The following ZNF69 variants were observed in gnomAD, a reference collection of about 807,000 sequenced individuals.
ZNF69 encodes ZNF3.
A neutral mutation model predicts 50.9 loss-of-function variants in ZNF69; 47 were observed. The ratio of observed to expected loss-of-function variants is 0.92; its 90% confidence interval spans 0.73 to 1.18. The LOEUF (loss-of-function observed/expected upper bound fraction) is 1.18, where lower values mean the gene tolerates loss of function less well. ZNF69 is among the 50% of genes most tolerant of loss of function. The pLI is 0.00. For missense variants in ZNF69, 717 were observed against 675.1 expected (o/e 1.06, Z -0.69); for synonymous variants, 216 against 223.1 (o/e 0.97, Z 0.29).
chr19:11,900,246 C>A (rs1014610944), intron 1 of ZNF69, among the ~76,000 whole-genome samples: 1 of 151,784 alleles, frequency 6.6e-6, no homozygotes, highest in African/African-American at 2.4e-5. Context: ...AGCCACTGCA[C>A]CCGGCCTGTT....
chr19:11,927,944 C>T, the ZNF69 span, among the ~76,000 whole-genome samples: 2 of 151,936 alleles, frequency 1.3e-5, no homozygotes, highest in Non-Finnish European at 2.9e-5. Flanking sequence ...AGGCAAAAGG[C>T]AAATAAATGT....
the ZNF69 span, among the ~76,000 whole-genome samples, chr19:11,945,169 T>G: frequency 6.6e-6 from 1 of 152,206 alleles, no homozygotes; most frequent in Non-Finnish European, 1.5e-5. Context: ...AAGTTTTTCC[T>G]TTAACTCATG....
chr19:11,978,443 T>C, the ZNF69 span: 1 of 1,614,084 alleles, frequency 6.2e-7, no homozygotes, highest in Non-Finnish European at 8.5e-7. Flanking sequence ...AACCCTATGC[T>C]TGTAAAGAAT....
the ZNF69 span, among the ~76,000 whole-genome samples, chr19:11,962,102 C>A: frequency 3.3e-5 from 5 of 152,160 alleles, no homozygotes; most frequent in African/African-American, 1.2e-4. Flanking sequence ...GCGTAAGAAA[C>A]TGTGCTCGGC....
the ZNF69 span, among the ~76,000 whole-genome samples, chr19:11,962,730 G>T: frequency 1.3e-5 from 2 of 152,094 alleles, no homozygotes; most frequent in African/African-American, 4.8e-5. Flanking sequence ...GCAGTTAACC[G>T]GAACTATCAT....
At chr19:11,918,635 G>T (rs150902136), downstream of ZNF69, among the ~76,000 whole-genome samples, 1 of 151,760 alleles carries the variant, frequency 6.6e-6, no homozygotes, top group Non-Finnish European at 1.5e-5. Context: ...AAAATTTTTT[G>T]TAGAGACAAG....
chr19:11,978,193 A>G, the ZNF69 span: 1 of 1,613,812 alleles, frequency 6.2e-7, no homozygotes. Flanking sequence ...GTTCCAGATG[A>G]CAGGCTGAAC....
the ZNF69 span, among the ~76,000 whole-genome samples, chr19:11,932,440 T>C: frequency 6.5e-3 from 971 of 148,584 alleles, 166 homozygotes; most frequent in African/African-American, 0.025. Context: ...GTATAGAGTG[T>C]GCATTCTAGA....
chr19:11,968,410 T>TC, the ZNF69 span, among the ~76,000 whole-genome samples: 1 of 152,130 alleles, frequency 6.6e-6, no homozygotes, highest in East Asian at 1.9e-4. Flanking sequence ...ACCTGGCTAA[T>TC]TTTTTGTATT....
At chr19:11,916,579 CA>C (rs913678576), downstream of ZNF69, among the ~76,000 whole-genome samples, 1 of 152,172 alleles carries the variant, frequency 6.6e-6, no homozygotes, top group African/African-American at 2.4e-5. Context: ...CATGCTACTG[CA>C]CTCCAGCCTG....
chr19:11,895,917 A>C (rs1977214013), intron 1 of ZNF69, among the ~76,000 whole-genome samples: 1 of 152,254 alleles, frequency 6.6e-6, no homozygotes, highest in Non-Finnish European at 1.5e-5. Context: ...ATAGTTTCAC[A>C]TTACCTTAAA....
downstream of ZNF69, among the ~76,000 whole-genome samples, chr19:11,918,353 T>G (rs996462779): frequency 2.0e-5 from 3 of 152,226 alleles, no homozygotes; most frequent in Admixed American, 6.5e-5. Context: ...AGAATCTCTG[T>G]GTGATTATTT....
chr19:11,891,314 G>A (rs1309957198), intron 1 of ZNF69, among the ~76,000 whole-genome samples: 3 of 150,840 alleles, frequency 2.0e-5, no homozygotes, highest in Admixed American at 6.6e-5. Flanking sequence ...GTAGTTCCAC[G>A]TACTCGGGAG....
chr19:11,905,829 T>G lies in ZNF69; in HGVS notation c.1432T>G (p.Tyr478Asp). 6.2e-7 allele frequency: 1 copy of G among 1,613,792 alleles called. No homozygotes were observed. Among genetic ancestry groups the G allele is most frequent in the South Asian group, 1.1e-5 (1 of 91,062 alleles). Residue 478 changes from tyrosine to aspartate, a missense_variant, in exon 4 of 4, where the codon TAT (tyrosine) becomes GAT (aspartate). Coordinates refer to ENST00000429654, the MANE Select transcript of ZNF69 (RefSeq NM_001364730.1). ...AAGAATACACTCTGGAGAAAGACCT[T>G]ATAAATGTAAGCTATGTGGGAAAGG... ...HVRIHSGERPYKCKLCGKGFY... is the reference protein window; with the variant it reads ...HVRIHSGERPDKCKLCGKGFY...
At chr19:11,894,422 G>A (rs892511038) in intron 1 of ZNF69, among the ~76,000 whole-genome samples, 1 of 152,186 alleles carries the variant, frequency 6.6e-6, no homozygotes, top group Non-Finnish European at 1.5e-5. Flanking sequence ...TTACAGGCAT[G>A]AGATACCCCA....
chr19:11,949,504 A>C, the ZNF69 span: 5 of 1,612,280 alleles, frequency 3.1e-6, no homozygotes, highest in Non-Finnish European at 4.2e-6. Context: ...AATTCATGAA[A>C]GGACAGAAAA....
the ZNF69 span, among the ~76,000 whole-genome samples, chr19:11,945,958 A>G: frequency 4.6e-5 from 7 of 152,098 alleles, no homozygotes; most frequent in South Asian, 1.0e-3. Context: ...GATTATATCA[A>G]TAGTCTTTTT....
chr19:11,897,522 C>G (rs1568275020), intron 1 of ZNF69, among the ~76,000 whole-genome samples: 1 of 149,920 alleles, frequency 6.7e-6, no homozygotes, highest in Non-Finnish European at 1.5e-5. Flanking sequence ...CTGCAGTGAG[C>G]TATGATTGCA....
chr19:11,964,997 G>A, the ZNF69 span: 1 of 549,822 alleles, frequency 1.8e-6, no homozygotes, highest in South Asian at 2.0e-5. Flanking sequence ...GCCGGGGCAG[G>A]GCCCTGCCCA....
Sources: gnomAD v4.1 joint callset for allele counts (sites outside exome capture counted in the v4.1 genomes callset) on GRCh38, gnomAD v4.1.1 for gene constraint, MANE v1.5 for transcripts, NCBI Gene and HGNC (gene_info 2026-07-23, HGNC 2026-07-21) for gene names.